The following LYPLAL1 variants were observed in gnomAD, a reference collection of about 807,000 sequenced individuals.
LYPLAL1 encodes the protein lysophospholipase-like protein 1.
LYPLAL1 carries 23 observed loss-of-function variants against 19.7 expected under a neutral mutation model. The observed-to-expected ratio is 1.17, with a 90% CI of 0.84 to 1.65. The LOEUF (loss-of-function observed/expected upper bound fraction) is 1.65, where lower values mean the gene tolerates loss of function less well. Ranked by LOEUF, LYPLAL1 falls within the 40% of genes most tolerant of loss-of-function variation. The pLI, the probability that LYPLAL1 is intolerant of heterozygous loss-of-function variation, is 0.00. For missense variants in LYPLAL1, 355 were observed against 279.4 expected (o/e 1.27, Z -1.93); for synonymous variants, 119 against 96.3 (o/e 1.24, Z -1.38).
chr1:219,376,103 A>C, the LYPLAL1 span, among the ~76,000 whole-genome samples: 2 of 152,184 alleles, frequency 1.3e-5, no homozygotes, highest in African/African-American at 4.8e-5. Flanking sequence ...TGGTACTGGT[A>C]AAATATGTCA....
the LYPLAL1 span, among the ~76,000 whole-genome samples, chr1:219,312,969 A>G: frequency 6.6e-6 from 1 of 152,226 alleles, no homozygotes; most frequent in Admixed American, 6.5e-5. Flanking sequence ...TCACACTTCA[A>G]TGATTCCTGT....
chr1:219,213,008 C>T (rs899363844), downstream of LYPLAL1: 1 of 152,052 alleles, frequency 6.6e-6, no homozygotes, highest in Admixed American at 6.5e-5. Flanking sequence ...ATTCTAGCAG[C>T]AGTGTATGAG....
the LYPLAL1 span, among the ~76,000 whole-genome samples, chr1:219,347,273 T>C: frequency 1.3e-5 from 2 of 148,490 alleles, no homozygotes; most frequent in Non-Finnish European, 3.0e-5. Context: ...TTCTTTTTCT[T>C]TTCCTTTTTA....
chr1:219,395,094 T>C, the LYPLAL1 span, among the ~76,000 whole-genome samples: 1 of 152,260 alleles, frequency 6.6e-6, no homozygotes, highest in South Asian at 2.1e-4. Context: ...TATGTGTGCA[T>C]GTGTCTTTAT....
intron 1 of LYPLAL1, among the ~76,000 whole-genome samples, chr1:219,177,586 C>T (rs1305332563): frequency 6.6e-6 from 1 of 152,184 alleles, no homozygotes; most frequent in African/African-American, 2.4e-5. Context: ...CACCCAGTTA[C>T]TCCGGCCAAA....
intron 2 of LYPLAL1, among the ~76,000 whole-genome samples, chr1:219,189,289 A>G (rs556883410): frequency 1.3e-5 from 2 of 151,714 alleles, no homozygotes; most frequent in Non-Finnish European, 3.0e-5. Context: ...AAGTAGAACA[A>G]TTCAGAAGGG....
intron 3 of LYPLAL1, among the ~76,000 whole-genome samples, chr1:219,203,779 A>G (rs185679628): frequency 6.6e-6 from 1 of 152,344 alleles, no homozygotes; most frequent in African/African-American, 2.4e-5. Flanking sequence ...GATTATGCTG[A>G]CAACTCTGGA....
chr1:219,436,414 TC>T, the LYPLAL1 span, among the ~76,000 whole-genome samples: 5 of 152,184 alleles, frequency 3.3e-5, no homozygotes, highest in African/African-American at 7.2e-5. Context: ...AAAAGTTCAT[TC>T]TTTTTTTTCT....
chr1:219,391,538 T>G, the LYPLAL1 span, among the ~76,000 whole-genome samples: 9 of 152,056 alleles, frequency 5.9e-5, no homozygotes, highest in Admixed American at 2.6e-4. Flanking sequence ...TTATTGGTTT[T>G]GGTTCTGAGT....
At chr1:219,426,798 C>T in the LYPLAL1 span, among the ~76,000 whole-genome samples, 2 of 152,286 alleles carry the variant, frequency 1.3e-5, no homozygotes, top group South Asian at 2.1e-4. Context: ...GGGTTTTTGC[C>T]ATGTTGGCCA....
chr1:219,225,249 C>A, the LYPLAL1 span: 1 of 152,112 alleles, frequency 6.6e-6, no homozygotes, highest in African/African-American at 2.4e-5. Context: ...AAAATTCTTA[C>A]ATTTACCAAA....
the LYPLAL1 span, among the ~76,000 whole-genome samples, chr1:219,380,813 G>A: frequency 3.3e-5 from 5 of 152,120 alleles, no homozygotes; most frequent in African/African-American, 1.2e-4. Flanking sequence ...GAGCATATGG[G>A]GTGTCTGTCA....
the LYPLAL1 span, among the ~76,000 whole-genome samples, chr1:219,282,163 T>C: frequency 0.015 from 2,291 of 152,216 alleles, 67 homozygotes; most frequent in African/African-American, 0.052. Context: ...GTCTGTAATA[T>C]AGATAACAGT....
intron 1 of LYPLAL1, 145 bp from the exon 2 acceptor site, chr1:219,179,002 T>G: frequency 2.0e-6 from 1 of 504,386 alleles, no homozygotes; most frequent in Non-Finnish European, 3.5e-6. Flanking sequence ...TATTAGTAAG[T>G]CAGTTTCTAT....
the LYPLAL1 span, among the ~76,000 whole-genome samples, chr1:219,316,772 T>C: frequency 9.2e-5 from 14 of 152,280 alleles, no homozygotes; most frequent in Non-Finnish European, 1.5e-4. Context: ...AGACACTACA[T>C]TAAATGAAAT....
At chr1:219,184,085 T>G (rs1208337390) in intron 2 of LYPLAL1, among the ~76,000 whole-genome samples, 1 of 151,850 alleles carries the variant, frequency 6.6e-6, no homozygotes, top group Non-Finnish European at 1.5e-5. Flanking sequence ...CTCTTCAATT[T>G]TACAAAACAC....
intron 3 of LYPLAL1, among the ~76,000 whole-genome samples, chr1:219,201,691 G>A (rs1381676609): frequency 1.3e-5 from 2 of 152,114 alleles, no homozygotes; most frequent in Non-Finnish European, 2.9e-5. Flanking sequence ...GACCACAAAA[G>A]TGCAAAGGCA....
At chr1:219,250,350 C>A in the LYPLAL1 span, among the ~76,000 whole-genome samples, 1 of 151,944 alleles carries the variant, frequency 6.6e-6, no homozygotes, top group Non-Finnish European at 1.5e-5. Context: ...TCTATTCCCT[C>A]TGTTCTTTTG....
the LYPLAL1 span, among the ~76,000 whole-genome samples, chr1:219,242,721 T>C: frequency 6.6e-6 from 1 of 150,414 alleles, no homozygotes; most frequent in South Asian, 2.1e-4. Context: ...TATATATAAT[T>C]AATATATATA....
Sources: gnomAD v4.1 joint callset for allele counts (sites outside exome capture counted in the v4.1 genomes callset) on GRCh38, gnomAD v4.1.1 for gene constraint, MANE v1.5 for transcripts, NCBI Gene and HGNC (gene_info 2026-07-23, HGNC 2026-07-21) for gene names.